Variants in DCAF8 observed in about 807,000 individuals in gnomAD.
The protein encoded by DCAF8 is DDB1 and CUL4 associated factor 8, also known as DDB1- and CUL4-associated factor 8.
A neutral mutation model predicts 68.0 loss-of-function variants in DCAF8; 20 were observed. The observed-to-expected ratio is 0.29, with a 90% CI of 0.21 to 0.43. The LOEUF (loss-of-function observed/expected upper bound fraction) is 0.43, where lower values mean the gene tolerates loss of function less well. Ranked by LOEUF, DCAF8 falls within the 20% of genes least tolerant of loss-of-function variation. The pLI, the probability that DCAF8 is intolerant of heterozygous loss-of-function variation, is 1.00. For missense variants in DCAF8, 460 were observed against 771.0 expected, an observed-to-expected ratio of 0.60 and a Z score of 4.78; for synonymous variants, 230 against 276.9, an observed-to-expected ratio of 0.83 and a Z score of 1.68.
At chr1:160,228,661 C>T (rs948102868) in intron 7 of DCAF8, among the ~76,000 whole-genome samples, 2 of 150,106 alleles carry the variant, frequency 1.3e-5, no homozygotes, top group African/African-American at 4.9e-5. Flanking sequence ...CCAGAGCTTC[C>T]CTTAAATACT....
intron 4 of DCAF8, 152 bp downstream of exon 4, chr1:160,239,545 G>C (rs1193011777): frequency 6.4e-7 from 1 of 1,561,818 alleles, no homozygotes; most frequent in Non-Finnish European, 8.6e-7. Context: ...GTCTTTCAGT[G>C]TATTTAGGTC....
At chr1:160,256,017 T>C (rs1324054523) in intron 2 of DCAF8, among the ~76,000 whole-genome samples, 1 of 140,144 alleles carries the variant, frequency 7.1e-6, no homozygotes, top group African/African-American at 2.8e-5. Flanking sequence ...GCAAACTTTT[T>C]TTTTTTTTTT....
chr1:160,224,337 T>C (rs1028939781), intron 10 of DCAF8, 105 bp downstream of exon 10: 48 of 807,182 alleles, frequency 5.9e-5, no homozygotes, highest in South Asian at 1.6e-4. Flanking sequence ...TCAGTGCCCA[T>C]GGCAACACAG....
intron 3 of DCAF8, among the ~76,000 whole-genome samples, chr1:160,243,328 G>A (rs566835125): frequency 6.6e-6 from 1 of 151,864 alleles, no homozygotes; most frequent in Non-Finnish European, 1.5e-5. Flanking sequence ...GAAGGGAGGG[G>A]AAGTAAGGAA....
intron 13 of DCAF8, 56 bp from the exon 14 acceptor site, chr1:160,217,764 G>A (rs1655172478): frequency 9.8e-6 from 14 of 1,423,328 alleles, no homozygotes; most frequent in Non-Finnish European, 1.3e-5. Context: ...GGACAAGCCT[G>A]TTAGGTCTTA....
Position 160,217,509 on chromosome 1 carries a change from G to T in DCAF8, c.*83C>A. On this transcript the variant is annotated 3_prime_UTR_variant, in exon 14 of 14. Coordinates refer to ENST00000368074, the MANE Select transcript of DCAF8 (RefSeq NM_015726.4). ...AAAAAGTCCAAAGTGCGTTTCTGCTGAATGTAGGGCCTGGGACAGGAAAGG... is the reference window on the plus strand; with the variant it reads ...AAAAAGTCCAAAGTGCGTTTCTGCTTAATGTAGGGCCTGGGACAGGAAAGG... 2.0e-6 allele frequency: 2 copies of T among 1,010,742 alleles called. No individual in the cohort carries two copies. Among genetic ancestry groups the T allele is most frequent in the Non-Finnish European group, 1.5e-6 (1 of 675,390 alleles). The allele number at this position is 1,010,742 out of a possible 1,614,324, so 62.6% of individuals were successfully genotyped here. A position where few individuals can be genotyped will look rare whatever the true frequency, so the allele number is the denominator to read the frequency against.
chr1:160,255,490 A>G (rs909081550), intron 2 of DCAF8, among the ~76,000 whole-genome samples: 2 of 152,202 alleles, frequency 1.3e-5, no homozygotes, highest in Non-Finnish European at 2.9e-5. Context: ...CAAAGCAATC[A>G]CCATGGATAA....
chr1:160,225,518 A>T, intron 8 of DCAF8, 73 bp downstream of exon 8: 1 of 1,216,682 alleles, frequency 8.2e-7, no homozygotes, highest in Non-Finnish European at 1.2e-6. Context: ...TTCCCACCAT[A>T]CCAACAAGTT....
At chr1:160,226,597 T>C (rs973885880) in intron 7 of DCAF8, among the ~76,000 whole-genome samples, 86 of 152,314 alleles carry the variant, frequency 5.6e-4, no homozygotes, top group African/African-American at 1.9e-3. Flanking sequence ...AGGGACCTTG[T>C]TTGATGATTA....
At chr1:160,218,241 C>G in intron 13 of DCAF8, 83 bp downstream of exon 13, 1 of 1,010,696 alleles carries the variant, frequency 9.9e-7, no homozygotes, top group Non-Finnish European at 1.6e-6. Context: ...CACCTGATTA[C>G]TGCTTGAAGT....
intron 10 of DCAF8, 87 bp from the exon 11 acceptor site, chr1:160,222,868 A>G (rs1331147960): frequency 6.4e-7 from 1 of 1,561,278 alleles, no homozygotes. Context: ...AGTTATTCAC[A>G]AACTCTAAAT....
chr1:160,241,556 T>C (rs1385913891), intron 3 of DCAF8, among the ~76,000 whole-genome samples: 1 of 152,176 alleles, frequency 6.6e-6, no homozygotes, highest in Non-Finnish European at 1.5e-5. Flanking sequence ...CTCACAACAG[T>C]CAAGTCAATT....
At chr1:160,223,245 C>T (rs148663581) in intron 10 of DCAF8, among the ~76,000 whole-genome samples, 1 of 152,306 alleles carries the variant, frequency 6.6e-6, no homozygotes, top group East Asian at 1.9e-4. Context: ...TGCTTGCTAC[C>T]ATTAACAGGG....
At chr1:160,254,331 A>G (rs1331294481) in intron 2 of DCAF8, among the ~76,000 whole-genome samples, 1 of 152,234 alleles carries the variant, frequency 6.6e-6, no homozygotes, top group Non-Finnish European at 1.5e-5. Context: ...CAAAAAAAAA[A>G]AAAAATTGTT....
At chr1:160,252,998 A>G (rs1381352085) in intron 2 of DCAF8, among the ~76,000 whole-genome samples, 1 of 152,244 alleles carries the variant, frequency 6.6e-6, no homozygotes, top group Non-Finnish European at 1.5e-5. Context: ...AATTATCTGT[A>G]CAGAGAAACT....
In DCAF8 at chr1:160,262,463, G is replaced by GCCA. The variant is rs1657146242; in HGVS notation, c.-118_-116dup. 1 of 401,260 alleles carries GCCA rather than the reference G, an allele frequency of 2.5e-6. No homozygotes were observed. The highest frequency in any genetic ancestry group is 2.1e-5 in the African/African-American group (1 of 48,680). 24.9% of individuals were successfully genotyped at this position (401,260 alleles called of 1,614,324 possible). The stretch of plus-strand genomic sequence containing the variant: ...CGCCATCTTACACTGGCCAGCGGCC[G>GCCA]CCACCACCACCGCCTCCGCTCTCTG... On this transcript the variant is annotated 5_prime_UTR_variant, in exon 1 of 14. Transcript: ENST00000368074.
chr1:160,218,123 G>A (rs945885296), intron 13 of DCAF8: 15 of 629,480 alleles, frequency 2.4e-5, no homozygotes, highest in South Asian at 1.3e-4. Flanking sequence ...ACACATGGAC[G>A]GCAATGGACA....
chr1:160,258,599 T>TA (rs796190727), intron 2 of DCAF8, among the ~76,000 whole-genome samples: 3 of 150,962 alleles, frequency 2.0e-5, no homozygotes, highest in African/African-American at 7.3e-5. Context: ...CTCATCTCTT[T>TA]AAAAAAACAA....
At chr1:160,249,564 A>G (rs909178117) in intron 2 of DCAF8, among the ~76,000 whole-genome samples, 2 of 152,200 alleles carry the variant, frequency 1.3e-5, no homozygotes, top group Admixed American at 6.5e-5. Context: ...AGGCTGAGGC[A>G]GGAGGACTGC....
Sources: allele counts gnomAD v4.1 joint callset (sites outside exome capture counted in the v4.1 genomes callset), GRCh38; gene constraint gnomAD v4.1.1; transcripts MANE v1.5; gene names NCBI Gene and HGNC (gene_info 2026-07-23, HGNC 2026-07-21).